The following RIMKLB variants were observed in gnomAD, a reference collection of about 807,000 sequenced individuals.
RIMKLB encodes ribosomal modification protein rimK like family member B, also known as beta-citrylglutamate synthase B.
In RIMKLB, 7 loss-of-function variants were observed where a neutral mutation model predicts 32.0. That is an observed-to-expected ratio of 0.22 (90% CI 0.12 to 0.41). The LOEUF (loss-of-function observed/expected upper bound fraction) is 0.41, where lower values mean the gene tolerates loss of function less well. RIMKLB is among the 10% of genes least tolerant of loss of function. RIMKLB has a pLI of 1.00. For synonymous variants in RIMKLB, 172 were observed against 185.1 expected, an observed-to-expected ratio of 0.93 and a Z score of 0.57; for missense variants, 289 against 498.7, an observed-to-expected ratio of 0.58 and a Z score of 4.00.
chr12:8,694,339 A>G (rs927620559), upstream of RIMKLB, among the ~76,000 whole-genome samples: 4 of 151,396 alleles, frequency 2.6e-5, no homozygotes, highest in African/African-American at 9.7e-5. Flanking sequence ...CAGCCTCCCA[A>G]ACTGCTGGGA....
At chr12:8,686,471 T>G (rs1170801773) in intron 1 of RIMKLB, among the ~76,000 whole-genome samples, 1 of 151,770 alleles carries the variant, frequency 6.6e-6, no homozygotes, top group Non-Finnish European at 1.5e-5. Context: ...TTTTTTTTTT[T>G]TTTATTCAGG....
chr12:8,775,779 C>G lies in RIMKLB; in HGVS notation c.*1995C>G. 1.0e-6 allele frequency: 1 copy of G among 985,384 alleles called. No individual in the cohort carries two copies. The highest frequency in any genetic ancestry group is 1.2e-6 in the Non-Finnish European group (1 of 829,622). 61.0% of individuals were successfully genotyped at this position (985,384 alleles called of 1,614,324 possible). On this transcript the variant is annotated 3_prime_UTR_variant, in exon 6 of 6. Coordinates refer to ENST00000535829, the MANE Select transcript of RIMKLB (RefSeq NM_001297776.2). The stretch of plus-strand genomic sequence containing the variant: ...AGTACCTCTCATCTGTGCAGTGTCT[C>G]ATTTCACCTCAGAGAAAAGGATACA...
At chr12:8,777,734 T>A (rs1359260665), downstream of RIMKLB, 1 of 1,242,578 alleles carries the variant, frequency 8.0e-7, no homozygotes. Flanking sequence ...CTTCCCCCAA[T>A]AATGCAGCTG....
intron 2 of RIMKLB, among the ~76,000 whole-genome samples, chr12:8,715,246 T>G (rs866163603): frequency 2.8e-4 from 41 of 148,312 alleles, no homozygotes; most frequent in African/African-American, 9.5e-4. Flanking sequence ...TTTTTTTTTT[T>G]GGAGACAGGG....
chr12:8,765,438 G>A (rs1266208729), intron 5 of RIMKLB, among the ~76,000 whole-genome samples: 2 of 152,056 alleles, frequency 1.3e-5, no homozygotes, highest in African/African-American at 2.4e-5. Flanking sequence ...CCAAACTCTC[G>A]GGCTGCAGTT....
chr12:8,684,078 T>C lies in RIMKLB; in HGVS notation n.219+2260T>C, dbSNP rs1942494991. ...TTGTAATTTTGATGAAGTCAAATTA[T>C]GAATTTGAGTTCTCAATTATCTCTA... On this transcript the variant is annotated intron_variant and non_coding_transcript_variant, in intron 1 of 1. Coordinates refer to the RIMKLB transcript ENST00000538758. Among the ~76,000 whole-genome samples the C allele has an allele frequency of 2.0e-5, 3 of 152,232 alleles. No homozygotes were observed. The South Asian group carries it at 6.2e-4, about 32-fold the overall frequency.
rs921540777 is a variant in RIMKLB, at chr12:8,684,324, C to T, written n.219+2506C>T. Among the ~76,000 whole-genome samples the T allele has an allele frequency of 2.0e-5, 3 of 152,156 alleles. No individual in the cohort carries two copies. The East Asian group carries it at 5.8e-4, about 30-fold the overall frequency. ...AGTAACTGTGACTACAGGCACACGCCACCACACCCAACTAATTTTTGTATT... is the reference window on the plus strand; with the variant it reads ...AGTAACTGTGACTACAGGCACACGCTACCACACCCAACTAATTTTTGTATT... On this transcript the variant is annotated intron_variant and non_coding_transcript_variant, in intron 1 of 1. Coordinates refer to the RIMKLB transcript ENST00000538758.
chr12:8,692,343 A>G (rs1942756603), upstream of RIMKLB, among the ~76,000 whole-genome samples: 3 of 152,252 alleles, frequency 2.0e-5, no homozygotes, highest in South Asian at 6.2e-4. Flanking sequence ...ACTGTGCTCA[A>G]ACTTTCATGT....
At chr12:8,700,171 C>T (rs139749044) in intron 1 of RIMKLB, 2 of 152,160 alleles carry the variant, frequency 1.3e-5, no homozygotes, top group Non-Finnish European at 2.9e-5. Context: ...GTAAACTCTT[C>T]TAAATCTTCC....
At chr12:8,674,831 T>C in the RIMKLB span, among the ~76,000 whole-genome samples, 3 of 150,832 alleles carry the variant, frequency 2.0e-5, no homozygotes, top group Non-Finnish European at 4.4e-5. Flanking sequence ...ATTACAGTCA[T>C]GAGCCACTGC....
At chr12:8,729,385 A>G (rs1034089047) in intron 2 of RIMKLB, among the ~76,000 whole-genome samples, 2 of 152,010 alleles carry the variant, frequency 1.3e-5, no homozygotes, top group African/African-American at 4.8e-5. Flanking sequence ...GTGTCCAGCC[A>G]GAGGTGGCTG....
intron 2 of RIMKLB, among the ~76,000 whole-genome samples, chr12:8,735,231 T>A (rs1017204679): frequency 4.0e-5 from 6 of 149,420 alleles, no homozygotes; most frequent in Admixed American, 1.3e-4. Flanking sequence ...CAGGCTAAAA[T>A]TTTTTTTTTT....
chr12:8,726,287 A>C (rs6487347), intron 2 of RIMKLB, among the ~76,000 whole-genome samples: 10,820 of 152,296 alleles, frequency 0.071, 1,252 homozygotes, highest in African/African-American at 0.24. Context: ...ATGTGCAGTT[A>C]CCTGAAGACA....
chr12:8,707,487 G>A (rs1239353984), intron 1 of RIMKLB, among the ~76,000 whole-genome samples: 1 of 152,192 alleles, frequency 6.6e-6, no homozygotes, highest in Admixed American at 6.5e-5. Flanking sequence ...TACGTGTTCA[G>A]CTATCTGGAA....
At chr12:8,757,534 C>T (rs1020677903) in intron 5 of RIMKLB, among the ~76,000 whole-genome samples, 18 of 150,916 alleles carry the variant, frequency 1.2e-4, no homozygotes, top group Non-Finnish European at 1.3e-4. Context: ...ATAAAGGATT[C>T]CTTTGCACCC....
chr12:8,695,169 G>C (rs1591608626), upstream of RIMKLB, among the ~76,000 whole-genome samples: 1 of 151,708 alleles, frequency 6.6e-6, no homozygotes, highest in East Asian at 1.9e-4. Context: ...CTTCCCAGGG[G>C]ATTCAATTGC....
chr12:8,739,852 T>G (rs1254729634), intron 2 of RIMKLB, among the ~76,000 whole-genome samples: 3 of 152,206 alleles, frequency 2.0e-5, no homozygotes, highest in African/African-American at 7.2e-5. Context: ...GGGTTAGGAT[T>G]TCAACACTTA....
At chr12:8,764,224 G>A (rs1271448628) in intron 5 of RIMKLB, among the ~76,000 whole-genome samples, 1 of 152,130 alleles carries the variant, frequency 6.6e-6, no homozygotes, top group Non-Finnish European at 1.5e-5. Flanking sequence ...AGGGAAAGGA[G>A]GCGGAATCCT....
Position 8,775,980 on chromosome 12 carries a change from T to C in RIMKLB, c.*2196T>C, listed in dbSNP as rs1026253847. On this transcript the variant is annotated 3_prime_UTR_variant, in exon 6 of 6. Transcript: ENST00000535829. ...CATACTGTGGAGGATGCATACTATT[T>C]GGTATAGAGAAATAAATGAGGAAGA... 2 of 983,674 alleles carry C rather than the reference T, an allele frequency of 2.0e-6. No individual in the cohort carries two copies. Among genetic ancestry groups the C allele is most frequent in the African/African-American group, 3.5e-5 (2 of 57,200 alleles). The allele number at this position is 983,674 out of a possible 1,614,324, so 60.9% of individuals were successfully genotyped here.
Sources: gnomAD v4.1 joint callset for allele counts (sites outside exome capture counted in the v4.1 genomes callset) on GRCh38, gnomAD v4.1.1 for gene constraint, MANE v1.5 for transcripts, NCBI Gene and HGNC (gene_info 2026-07-23, HGNC 2026-07-21) for gene names.